The following AOPEP variants were observed in gnomAD, a reference collection of about 807,000 sequenced individuals.
AOPEP encodes the protein aminopeptidase O (putative), also known as aminopeptidase O.
In AOPEP, 77 loss-of-function variants were observed where a neutral mutation model predicts 98.1. That is an observed-to-expected ratio of 0.78 (90% CI 0.65 to 0.95). The LOEUF (loss-of-function observed/expected upper bound fraction) is 0.95, where lower values mean the gene tolerates loss of function less well. Among genes scored for constraint, AOPEP ranks in the 40% least tolerant of loss-of-function variants. The pLI, the probability that AOPEP is intolerant of heterozygous loss-of-function variation, is 0.00. For synonymous variants in AOPEP, 346 were observed against 365.3 expected (o/e 0.95, Z 0.60); for missense variants, 1,024 against 1,024.7 (o/e 1.00, Z 0.01).
intron 5 of AOPEP, among the ~76,000 whole-genome samples, chr9:94,833,329 C>T (rs1021078070): frequency 4.7e-5 from 7 of 149,396 alleles, no homozygotes; most frequent in Non-Finnish European, 8.9e-5. Flanking sequence ...CCTTTGCCTC[C>T]TAGGTTCAAG....
chr9:94,831,206 C>T (rs1855890632), intron 5 of AOPEP, among the ~76,000 whole-genome samples: 1 of 152,120 alleles, frequency 6.6e-6, no homozygotes, highest in South Asian at 2.1e-4. Context: ...AAGTCTTTAA[C>T]CCATCTTATG....
intron 5 of AOPEP, among the ~76,000 whole-genome samples, chr9:94,813,906 C>T (rs1007868970): frequency 3.3e-5 from 5 of 152,108 alleles, no homozygotes; most frequent in Non-Finnish European, 4.4e-5. Context: ...CTCTTGACAC[C>T]GCCACAAGAA....
At chr9:95,094,389 C>A in the AOPEP span, among the ~76,000 whole-genome samples, 2 of 152,192 alleles carry the variant, frequency 1.3e-5, no homozygotes, top group Non-Finnish European at 1.5e-5. Flanking sequence ...GCTCAGCAGC[C>A]TCGGTGTCTT....
intron 9 of AOPEP, 29 bp downstream of exon 9, chr9:94,956,044 A>C: frequency 7.7e-7 from 1 of 1,304,016 alleles, no homozygotes; most frequent in Non-Finnish European, 1.1e-6. Flanking sequence ...TGAGTCCATG[A>C]TGTATGACTG....
intron 15 of AOPEP, among the ~76,000 whole-genome samples, chr9:95,081,895 C>T (rs1000008846): frequency 3.9e-5 from 6 of 152,066 alleles, no homozygotes; most frequent in Non-Finnish European, 7.4e-5. Flanking sequence ...AAGCATGGCA[C>T]AAGAGAGTAG....
At chr9:94,969,866 T>C (rs987199023) in intron 10 of AOPEP, among the ~76,000 whole-genome samples, 1 of 152,204 alleles carries the variant, frequency 6.6e-6, no homozygotes, top group Admixed American at 6.5e-5. Context: ...AGTGTGGAAA[T>C]GAATTCTTTG....
intron 5 of AOPEP, among the ~76,000 whole-genome samples, chr9:94,879,159 G>T (rs2047298096): frequency 2.0e-5 from 3 of 152,218 alleles, no homozygotes. Flanking sequence ...GTAGCCTCCA[G>T]CTGTATGACT....
chr9:94,932,037 G>T, intron 7 of AOPEP: 1 of 1,169,926 alleles, frequency 8.5e-7, no homozygotes, highest in South Asian at 3.9e-5. Flanking sequence ...AGCTGATAAA[G>T]AAGAGAACAG....
the AOPEP span, among the ~76,000 whole-genome samples, chr9:95,125,816 G>C: frequency 6.6e-6 from 1 of 152,204 alleles, no homozygotes; most frequent in Non-Finnish European, 1.5e-5. Flanking sequence ...GGAGGGGCTA[G>C]AGAGAGAGCT....
At chr9:95,117,187 AG>A in the AOPEP span, 2 of 844,848 alleles carry the variant, frequency 2.4e-6, no homozygotes, top group Non-Finnish European at 3.9e-6. Context: ...GGGGGCTTAA[AG>A]GGATCTTAGA....
intron 1 of AOPEP, among the ~76,000 whole-genome samples, chr9:94,734,509 G>A (rs1831297698): frequency 6.6e-6 from 1 of 151,944 alleles, no homozygotes; most frequent in East Asian, 1.9e-4. Flanking sequence ...AACAGCAAGA[G>A]TCCTACACAG....
Position 95,063,652 on chromosome 9 carries a change from T to C in AOPEP, c.2232+2842T>C, listed in dbSNP as rs552541884. ...TGGTTGATATGCTTAATAAGAACAT[T>C]AGTTTTCTGGGAGAATTTGGTAGCA... is the stretch of plus-strand genomic sequence containing the variant. On this transcript the variant is annotated intron_variant, in intron 14 of 16. Transcript: ENST00000375315. Among the ~76,000 whole-genome samples the C allele has an allele frequency of 5.3e-5, 8 of 152,302 alleles. 1 individual carries two copies. In the East Asian group the frequency reaches 1.2e-3, roughly 22 times the overall value.
chr9:94,832,836 A>G (rs1241207514), intron 5 of AOPEP, among the ~76,000 whole-genome samples: 1 of 148,278 alleles, frequency 6.7e-6, no homozygotes, highest in Non-Finnish European at 1.5e-5. Flanking sequence ...AAAAATTTTA[A>G]GTGGTTACCT....
At chr9:94,775,426 A>G (rs950967005) in intron 3 of AOPEP, among the ~76,000 whole-genome samples, 3 of 151,304 alleles carry the variant, frequency 2.0e-5, no homozygotes, top group Non-Finnish European at 2.9e-5. Context: ...CTGGAGTGCA[A>G]TGGCGCGATC....
At chr9:94,854,730 C>G (rs1174707473) in intron 5 of AOPEP, among the ~76,000 whole-genome samples, 1 of 152,178 alleles carries the variant, frequency 6.6e-6, no homozygotes, top group South Asian at 2.1e-4. Context: ...TTTAACCCAG[C>G]CTTCTAGCTC....
At chr9:95,050,984 C>T (rs908472680) in intron 13 of AOPEP, among the ~76,000 whole-genome samples, 1 of 152,054 alleles carries the variant, frequency 6.6e-6, no homozygotes, top group African/African-American at 2.4e-5. Flanking sequence ...CTTGCCTCAC[C>T]TGAGGATCGG....
At chr9:94,933,169 A>G in intron 7 of AOPEP, 2 of 985,704 alleles carry the variant, frequency 2.0e-6, no homozygotes, top group Non-Finnish European at 2.4e-6. Context: ...CCTGCCTACA[A>G]GGTCCCCTCC....
intron 5 of AOPEP, among the ~76,000 whole-genome samples, chr9:94,825,415 G>T (rs1171765997): frequency 6.6e-6 from 1 of 152,252 alleles, no homozygotes; most frequent in Non-Finnish European, 1.5e-5. Context: ...AATTTCTTAG[G>T]AGGTGGGACC....
At chr9:94,772,398 C>T (rs967711772) in intron 2 of AOPEP, among the ~76,000 whole-genome samples, 15 of 152,196 alleles carry the variant, frequency 9.9e-5, no homozygotes, top group African/African-American at 3.4e-4. Context: ...GGTAACGACT[C>T]TGCGCCCTTG....
Sources: gnomAD v4.1 joint callset for allele counts (sites outside exome capture counted in the v4.1 genomes callset) on GRCh38, gnomAD v4.1.1 for gene constraint, MANE v1.5 for transcripts, NCBI Gene and HGNC (gene_info 2026-07-23, HGNC 2026-07-21) for gene names.